Variants in KDM5C observed in about 807,000 individuals in gnomAD.
KDM5C encodes lysine demethylase 5C, also known as lysine-specific demethylase 5C.
KDM5C carries 16 observed loss-of-function variants against 110.6 expected under a neutral mutation model. The ratio of observed to expected loss-of-function variants is 0.14; its 90% CI spans 0.10 to 0.22. KDM5C has a LOEUF of 0.22. KDM5C is among the 10% of genes least tolerant of loss of function. The pLI is 1.00. For synonymous variants in KDM5C, 511 were observed against 520.4 expected (o/e 0.98, Z 0.24); for missense variants, 681 against 1,300.9 (o/e 0.52, Z 7.33).
Position 53,210,419 on chromosome X carries a change from C to T in KDM5C, c.1741G>A (p.Val581Met). The change falls in exon 12 of 26, where the codon GTG becomes ATG. Residue 581 changes from valine to methionine, a missense_variant. Val to Met is a conservative substitution (Grantham distance 21). Transcript: ENST00000375401. ...CCTGTTGCCTGGGTACTCACTGGCACACCATGGGACATGAGGGTGTTGGGA... is the reference window on the plus strand; with the variant it reads ...CCTGTTGCCTGGGTACTCACTGGCATACCATGGGACATGAGGGTGTTGGGA... ...MNPNTLMSHG[V>M]PVVRTNQCAG... The T allele has an allele frequency of 8.3e-7, 1 of 1,211,995 alleles. No homozygotes were observed. The highest frequency in any genetic ancestry group is 1.1e-6 in the Non-Finnish European group (1 of 895,523).
intron 25 of KDM5C, among the ~76,000 whole-genome samples, chrX:53,179,657 A>G (rs1933981461): frequency 8.9e-6 from 1 of 111,806 alleles, no homozygotes; most frequent in Non-Finnish European, 1.9e-5. Context: ...AAAAAGATAT[A>G]CAGATGGCAA....
intron 25 of KDM5C, among the ~76,000 whole-genome samples, chrX:53,178,247 A>C (rs1375952230): frequency 2.7e-5 from 3 of 112,266 alleles, no homozygotes; most frequent in Non-Finnish European, 5.6e-5. Flanking sequence ...TCTGCAACTC[A>C]ATGTTTTCTG....
chrX:53,188,667 G>A (rs1157493482), downstream of KDM5C, among the ~76,000 whole-genome samples: 6 of 111,498 alleles, frequency 5.4e-5, no homozygotes, highest in Non-Finnish European at 9.4e-5. Context: ...GAGCCACTGT[G>A]CCCGGCAGTA....
downstream of KDM5C, among the ~76,000 whole-genome samples, chrX:53,190,534 C>G (rs1934373629): frequency 8.9e-6 from 1 of 112,031 alleles, no homozygotes; most frequent in South Asian, 3.7e-4. Flanking sequence ...TCCTGCCCAT[C>G]CCAGCTCTCA....
At chrX:53,209,854 C>T (rs2073505701) in intron 12 of KDM5C, among the ~76,000 whole-genome samples, 1 of 112,365 alleles carries the variant, frequency 8.9e-6, no homozygotes, top group African/African-American at 3.2e-5. Context: ...CTGGGTTCAA[C>T]TTTTGACCTG....
intron 12 of KDM5C, among the ~76,000 whole-genome samples, chrX:53,204,513 T>C (rs1556844143): frequency 9.0e-6 from 1 of 111,280 alleles, no homozygotes. Context: ...GCTTTTTTTT[T>C]TGAGACGGTG....
At chrX:53,194,899 C>T (rs1391262040) in intron 22 of KDM5C, 32 bp downstream of exon 22, 9 of 1,206,976 alleles carry the variant, frequency 7.5e-6, no homozygotes, top group Non-Finnish European at 1.0e-5. Context: ...CATCACCAAG[C>T]CCTTCTCCCC....
rs1489050570 is a variant in KDM5C at position 53,194,478 on chromosome X, C to T, written c.3699G>A (p.Leu1233=). The T allele has an allele frequency of 8.3e-7, 1 of 1,209,848 alleles. No homozygotes were observed. The highest frequency in any genetic ancestry group is 1.7e-5 in the African/African-American group (1 of 57,469). Residue 1233 remains leucine (L), a synonymous_variant, in exon 23 of 26, where the codon CTG becomes CTA. Transcript: ENST00000375401. ...PRPNPTSSPL[L]AWWEWDTKFL... ...ATTTGGTGTCCCATTCCCACCAGGC[C>T]AGCAGTGGGGATGAGGTGGGATTGG...
intron 1 of KDM5C, chrX:53,221,721 A>G: frequency 1.0e-6 from 1 of 980,073 alleles, no homozygotes; most frequent in Non-Finnish European, 1.3e-6. Flanking sequence ...ATCCTCTCTC[A>G]TACACCTGCC....
At chrX:53,199,252 T>C in intron 14 of KDM5C, 94 bp from the exon 15 acceptor site, 1 of 942,741 alleles carries the variant, frequency 1.1e-6, no homozygotes. Flanking sequence ...TAGATTCAAA[T>C]CTATGCTGAG....
chrX:53,196,546 AGAC>A (rs1934869490), intron 19 of KDM5C, 137 bp downstream of exon 19: 2 of 537,692 alleles, frequency 3.7e-6, no homozygotes. Context: ...ACGACAAGAT[AGAC>A]AACAAAAGAG....
At position 53,201,548 on chromosome X, in the gene KDM5C, AC is replaced by A; in HGVS notation, c.2061+1del. The A allele has an allele frequency of 8.3e-7, 1 of 1,210,579 alleles. No individual in the cohort carries two copies. Among genetic ancestry groups the A allele is most frequent in the Non-Finnish European group, 1.1e-6 (1 of 894,715 alleles). ...GTGCTTGATCTGGGGTACTCTCCCC[AC>A]CTTCTCCAGCAGGGCCTTTCGTAGA... On this transcript the variant is annotated splice_donor_variant, in intron 14 of 25. Transcript: ENST00000375401. LOFTEE classifies it high-confidence loss of function.
intron 25 of KDM5C, among the ~76,000 whole-genome samples, chrX:53,181,265 T>G (rs1934039680): frequency 9.0e-6 from 1 of 111,319 alleles, no homozygotes; most frequent in Non-Finnish European, 1.9e-5. Flanking sequence ...GCAGGTTGAA[T>G]TCATAGGATC....
At position 53,193,564 on chromosome X, in the gene KDM5C, G is replaced by A. The variant is rs782615711; in HGVS notation, c.4190C>T (p.Ala1397Val). 1.2e-5 allele frequency: 14 copies of A among 1,210,194 alleles called. No individual in the cohort carries two copies. In the Admixed American group the frequency reaches 3.1e-4, roughly 26 times the overall value. Residue 1397 changes from alanine (A) to valine (V), a missense_variant, in exon 25 of 26, where the codon GCC becomes GTC. Physicochemically the swap from Ala to Val is moderately conservative, Grantham distance 64. Coordinates refer to ENST00000375401, the MANE Select transcript of KDM5C (RefSeq NM_004187.5). ...PVLELPEATRAPLEELMMEGD... is the reference protein window; with the variant it reads ...PVLELPEATRVPLEELMMEGD... The stretch of plus-strand genomic sequence containing the variant: ...CTCCATCATGAGCTCCTCCAAGGGG[G>A]CCCGGGTTGCCTCAGGCAGTTCCAA...
Position 53,219,548 on chromosome X carries a change from A to G in KDM5C, c.229-1150T>C. Among the ~76,000 whole-genome samples the G allele has an allele frequency of 2.7e-5, 3 of 112,526 alleles. No individual in the cohort carries two copies. The Middle Eastern group carries it at 0.014, about 519-fold the overall frequency. ...CCAAGAAGGACTCCCATAGGCCCCA[A>G]GTCTACAACCTCCTCACTCCAGTCA... On this transcript the variant is annotated intron_variant, in intron 2 of 25. Coordinates refer to ENST00000375401, the MANE Select transcript of KDM5C (RefSeq NM_004187.5).
chrX:53,199,068 C>A lies in KDM5C; in HGVS notation c.2152G>T (p.Ala718Ser). The A allele has an allele frequency of 1.7e-6, 2 of 1,212,024 alleles. No individual in the cohort carries two copies. Among genetic ancestry groups the A allele is most frequent in the Non-Finnish European group, 2.2e-6 (2 of 895,423 alleles). Residue 718 changes from alanine to serine, a missense_variant, in exon 15 of 26, where the codon GCC (alanine) becomes TCC (serine). Physicochemically the swap from Ala to Ser is moderately conservative, Grantham distance 99. Coordinates refer to ENST00000375401, the MANE Select transcript of KDM5C (RefSeq NM_004187.5). ...IKCKTTCFLSALACYDCPDGL... is the reference protein window; with the variant it reads ...IKCKTTCFLSSLACYDCPDGL... ...TCTGGGCAGTCGTAGCAGGCCAGGG[C>A]TGACAGGAAACACGTAGTCTTGCAC...
intron 4 of KDM5C, among the ~76,000 whole-genome samples, chrX:53,217,551 C>T (rs782706261): frequency 8.3e-4 from 93 of 112,168 alleles, no homozygotes; most frequent in Non-Finnish European, 1.4e-3. Context: ...CACCTTCTAG[C>T]CCAAGCTCTC....
chrX:53,177,963 A>G (rs1165184987), intron 25 of KDM5C, among the ~76,000 whole-genome samples: 5 of 111,140 alleles, frequency 4.5e-5, no homozygotes, highest in Non-Finnish European at 9.4e-5. Context: ...GGCTCAAGCA[A>G]TCCTCCCACC....
chrX:53,205,584 G>C (rs2073299872), intron 12 of KDM5C, among the ~76,000 whole-genome samples: 1 of 112,346 alleles, frequency 8.9e-6, no homozygotes, highest in African/African-American at 3.2e-5. Flanking sequence ...CCACAGCTCT[G>C]ACAGGTAAAC....
Sources: gnomAD v4.1 joint callset for allele counts (sites outside exome capture counted in the v4.1 genomes callset) on GRCh38, gnomAD v4.1.1 for gene constraint, MANE v1.5 for transcripts, NCBI Gene and HGNC (gene_info 2026-07-23, HGNC 2026-07-21) for gene names.